The following EPB41L4A variants were observed in gnomAD, a reference collection of about 807,000 sequenced individuals.
EPB41L4A encodes erythrocyte membrane protein band 4.1 like 4A, also known as band 4.1-like protein 4A.
EPB41L4A carries 100 observed loss-of-function variants against 108.6 expected under a neutral mutation model. The observed-to-expected ratio is 0.92, with a 90% CI of 0.78 to 1.09. The LOEUF is 1.09. Ranked by LOEUF, EPB41L4A falls within the 50% of genes least tolerant of loss-of-function variation. EPB41L4A has a pLI of 0.00. For synonymous variants in EPB41L4A, 319 were observed against 289.0 expected (o/e 1.10, Z -1.05); for missense variants, 1,030 against 842.7 (o/e 1.22, Z -2.75).
chr5:112,393,320 T>C (rs1302095790), intron 1 of EPB41L4A, among the ~76,000 whole-genome samples: 1 of 151,004 alleles, frequency 6.6e-6, no homozygotes, highest in Non-Finnish European at 1.5e-5. Context: ...TTTGAAAAGA[T>C]CAACAAAATT....
chr5:112,264,838 A>G (rs1751737690), intron 6 of EPB41L4A, 58 bp downstream of exon 6: 4 of 1,538,112 alleles, frequency 2.6e-6, no homozygotes, highest in South Asian at 1.2e-5. Flanking sequence ...TTTCTTGTGA[A>G]TATCAGAAGA....
At position 112,209,876 on chromosome 5, in the gene EPB41L4A, A is replaced by T; in HGVS notation, c.1178+16T>A. 1 of 1,499,768 alleles carries T rather than the reference A, an allele frequency of 6.7e-7. No homozygotes were observed. Among genetic ancestry groups the T allele is most frequent in the Non-Finnish European group, 9.2e-7 (1 of 1,083,516 alleles). 92.9% of individuals were successfully genotyped at this position (1,499,768 alleles called of 1,614,324 possible). On this transcript the variant is annotated intron_variant, in intron 13 of 22. Coordinates refer to ENST00000261486, the MANE Select transcript of EPB41L4A (RefSeq NM_022140.5). ...ACAGCATATAATTGTACGTTTCTTC[A>T]GTTAACTTCACTGACCTTTTTACTG... is the stretch of plus-strand genomic sequence containing the variant.
At chr5:112,255,755 T>C (rs1005079800) in intron 9 of EPB41L4A, among the ~76,000 whole-genome samples, 5 of 152,194 alleles carry the variant, frequency 3.3e-5, no homozygotes, top group African/African-American at 1.2e-4. Flanking sequence ...TTCAAATTTA[T>C]ATATTCTGCT....
intron 1 of EPB41L4A, among the ~76,000 whole-genome samples, chr5:112,366,814 C>T (rs1759149038): frequency 6.6e-6 from 1 of 152,136 alleles, no homozygotes; most frequent in Admixed American, 6.6e-5. Context: ...GTACCTTCAG[C>T]TATTTGCATT....
chr5:112,235,094 C>T (rs57869565), intron 11 of EPB41L4A, among the ~76,000 whole-genome samples: 1 of 152,344 alleles, frequency 6.6e-6, no homozygotes, highest in East Asian at 1.9e-4. Context: ...TTGGGCTAAA[C>T]TGTGGGAAGG....
Position 112,333,539 on chromosome 5 carries a change from A to G in EPB41L4A, c.100-26049T>C, listed in dbSNP as rs140614613. Among the ~76,000 whole-genome samples the G allele has an allele frequency of 2.9e-3, 438 of 152,272 alleles. 5 individuals carry two copies. The highest frequency in any genetic ancestry group is 9.7e-3 in the African/African-American group (405 of 41,562). ...CCAGGATGCTGTGTTTGCAGCCCCT[A>G]TTCTCAGAAATGGATAGGTTGGTCA... On this transcript the variant is annotated intron_variant, in intron 1 of 22. Transcript: ENST00000261486.
At chr5:112,248,430 A>T (rs1184746798) in intron 9 of EPB41L4A, among the ~76,000 whole-genome samples, 2 of 152,200 alleles carry the variant, frequency 1.3e-5, no homozygotes, top group African/African-American at 4.8e-5. Context: ...TTGTAAAATT[A>T]CTCAAACACC....
At chr5:112,221,256 T>C (rs1357687568) in intron 12 of EPB41L4A, among the ~76,000 whole-genome samples, 1 of 152,160 alleles carries the variant, frequency 6.6e-6, no homozygotes, top group East Asian at 1.9e-4. Context: ...CATAAGCAAA[T>C]TATCCTTCCG....
intron 14 of EPB41L4A, among the ~76,000 whole-genome samples, chr5:112,204,884 G>C (rs965472864): frequency 1.3e-5 from 2 of 151,744 alleles, no homozygotes; most frequent in Non-Finnish European, 2.9e-5. Flanking sequence ...CTATTAAACA[G>C]AAAAAAAATT....
chr5:112,302,659 G>A (rs35808967), intron 2 of EPB41L4A, among the ~76,000 whole-genome samples: 9,516 of 152,230 alleles, frequency 0.063, 370 homozygotes, highest in Middle Eastern at 0.099. Flanking sequence ...TCTCCAGGTA[G>A]ACTGTGGTTT....
chr5:112,156,558 C>T (rs1409453825), intron 12 of EPB41L4A, among the ~76,000 whole-genome samples: 2 of 152,198 alleles, frequency 1.3e-5, no homozygotes, highest in African/African-American at 4.8e-5. Context: ...TGAGGAAGTA[C>T]ATCTCCTTTA....
chr5:112,245,041 G>C (rs551820334), intron 9 of EPB41L4A, among the ~76,000 whole-genome samples: 9 of 151,824 alleles, frequency 5.9e-5, no homozygotes, highest in Admixed American at 2.0e-4. Flanking sequence ...AGATTGACAG[G>C]GTTGCCACAA....
At chr5:112,215,130 G>A (rs1302099239) in intron 12 of EPB41L4A, among the ~76,000 whole-genome samples, 1 of 152,076 alleles carries the variant, frequency 6.6e-6, no homozygotes, top group African/African-American at 2.4e-5. Flanking sequence ...GGAAAATTCA[G>A]GATAATGATC....
At chr5:112,223,825 T>C (rs1748251576) in intron 12 of EPB41L4A, among the ~76,000 whole-genome samples, 1 of 152,036 alleles carries the variant, frequency 6.6e-6, no homozygotes, top group Non-Finnish European at 1.5e-5. Flanking sequence ...TAACTATGAG[T>C]TAACCAAACA....
At chr5:112,283,387 T>C (rs1437671063) in intron 2 of EPB41L4A, among the ~76,000 whole-genome samples, 1 of 152,138 alleles carries the variant, frequency 6.6e-6, no homozygotes, top group East Asian at 1.9e-4. Flanking sequence ...CCCACTTACG[T>C]TCAACCAAGG....
chr5:112,319,841 T>C (rs1183512995), intron 1 of EPB41L4A, among the ~76,000 whole-genome samples: 1 of 152,160 alleles, frequency 6.6e-6, no homozygotes, highest in Non-Finnish European at 1.5e-5. Context: ...TCCCTGATGT[T>C]GAATAGTTCT....
At chr5:112,158,941 G>T (rs928074702), downstream of EPB41L4A, among the ~76,000 whole-genome samples, 4 of 152,178 alleles carry the variant, frequency 2.6e-5, no homozygotes, top group African/African-American at 9.7e-5. Flanking sequence ...TCCCCACACT[G>T]TGCCTTTCGC....
At chr5:112,357,191 C>G (rs1758410559) in intron 1 of EPB41L4A, among the ~76,000 whole-genome samples, 1 of 152,172 alleles carries the variant, frequency 6.6e-6, no homozygotes, top group Non-Finnish European at 1.5e-5. Context: ...AAGCCATACC[C>G]CTTTTCTGGA....
At chr5:112,348,863 G>A (rs1443267881) in intron 1 of EPB41L4A, among the ~76,000 whole-genome samples, 2 of 152,190 alleles carry the variant, frequency 1.3e-5, no homozygotes, top group Non-Finnish European at 2.9e-5. Context: ...TACGCACAAT[G>A]TTGACACCAA....
Sources: gnomAD v4.1 joint callset for allele counts (sites outside exome capture counted in the v4.1 genomes callset) on GRCh38, gnomAD v4.1.1 for gene constraint, MANE v1.5 for transcripts, NCBI Gene and HGNC (gene_info 2026-07-23, HGNC 2026-07-21) for gene names.